Variants in ARHGAP30 observed in about 807,000 individuals in gnomAD.
ARHGAP30 encodes rho GTPase-activating protein 30.
In ARHGAP30, 23 loss-of-function variants were observed where a neutral mutation model predicts 72.0. That is an observed-to-expected ratio of 0.32 (90% confidence interval 0.23 to 0.45). The LOEUF (loss-of-function observed/expected upper bound fraction) is 0.45, where lower values mean the gene tolerates loss of function less well. Among genes scored for constraint, ARHGAP30 ranks in the 20% least tolerant of loss-of-function variants. The pLI, the probability that ARHGAP30 is intolerant of heterozygous loss-of-function variation, is 1.00. For missense variants in ARHGAP30, 1,319 were observed against 1,383.4 expected, an observed-to-expected ratio of 0.95 and a Z score of 0.74; for synonymous variants, 576 against 528.2, an observed-to-expected ratio of 1.09 and a Z score of -1.24.
intron 1 of ARHGAP30, among the ~76,000 whole-genome samples, chr1:161,064,957 G>A (rs1652656673): frequency 6.6e-6 from 1 of 151,530 alleles, no homozygotes; most frequent in African/African-American, 2.4e-5. Flanking sequence ...AGAAGGGAAG[G>A]GAAGGGGGAA....
intron 1 of ARHGAP30, chr1:161,060,336 C>T (rs956048745): frequency 1.1e-5 from 4 of 349,850 alleles, no homozygotes; most frequent in African/African-American, 6.5e-5. Context: ...TGTCTCATGC[C>T]TGTAATCCCA....
intron 3 of ARHGAP30, among the ~76,000 whole-genome samples, chr1:161,055,971 A>G (rs1250343435): frequency 4.6e-5 from 7 of 151,548 alleles, no homozygotes; most frequent in African/African-American, 1.7e-4. Context: ...AAGATGTTCA[A>G]CGCATAATTA....
rs11441984 is a variant in ARHGAP30 at position 161,057,158 on chromosome 1, A to ATT, written c.201-628_201-627dup. Among the ~76,000 whole-genome samples the ATT allele has an allele frequency of 4.9e-3, 717 of 146,886 alleles. 2 individuals are homozygous for ATT. Among genetic ancestry groups the ATT allele is most frequent in the Non-Finnish European group, 6.6e-3 (443 of 66,640 alleles). ...AATGACTAGAAAGACAAATAAGCTA[A>ATT]TTTTTTTTTTTTTTGAGACAGAGTC... On this transcript the variant is annotated intron_variant, in intron 2 of 11. Transcript: ENST00000368013.
intron 1 of ARHGAP30, among the ~76,000 whole-genome samples, chr1:161,067,885 T>C (rs941302010): frequency 5.3e-5 from 8 of 152,124 alleles, no homozygotes; most frequent in Non-Finnish European, 8.8e-5. Flanking sequence ...ACCTGAGGGA[T>C]AGGGAAGGAG....
At position 161,057,628 on chromosome 1, in the gene ARHGAP30, AC is replaced by A. The variant is rs369075440; in HGVS notation, c.201-1097del. On this transcript the variant is annotated intron_variant, in intron 2 of 11. Transcript: ENST00000368013. Reference sequence around the variant, plus strand: ...ACTCTAGCTTGGGTGACAGAGTGAGACCCAGTCTCAAAAAAAGAACAGAAAA... The same window carrying A: ...ACTCTAGCTTGGGTGACAGAGTGAGACCAGTCTCAAAAAAAGAACAGAAAA... 5.3e-5 allele frequency among the ~76,000 whole-genome samples: 8 copies of A among 152,252 alleles called. No individual in the cohort carries two copies. In the East Asian group the frequency reaches 1.5e-3, roughly 29 times the overall value.
At chr1:161,054,766 C>T in intron 3 of ARHGAP30, 61 bp from the exon 4 acceptor site, 1 of 1,475,436 alleles carries the variant, frequency 6.8e-7, no homozygotes, top group South Asian at 1.1e-5. Flanking sequence ...TGCTTACTCC[C>T]CAGAGCTTGT....
At chr1:161,051,951 C>T (rs1487387228) in intron 9 of ARHGAP30, among the ~76,000 whole-genome samples, 4 of 150,958 alleles carry the variant, frequency 2.6e-5, no homozygotes, top group African/African-American at 9.8e-5. Context: ...CCTGCAGATA[C>T]AGTCACTGGC....
At chr1:161,054,819 C>T (rs1170070165) in intron 3 of ARHGAP30, 114 bp from the exon 4 acceptor site, 2 of 883,536 alleles carry the variant, frequency 2.3e-6, no homozygotes, top group Non-Finnish European at 3.7e-6. Context: ...TCTGTGCTAC[C>T]CCATCCTACA....
chr1:161,052,128 C>T (rs867451174), intron 9 of ARHGAP30, among the ~76,000 whole-genome samples, 158 bp downstream of exon 9: 8 of 151,942 alleles, frequency 5.3e-5, no homozygotes, highest in African/African-American at 1.7e-4. Flanking sequence ...ATCAACTCAC[C>T]GTAGCATTCA....
At chr1:161,057,024 G>T (rs1271483790) in intron 2 of ARHGAP30, among the ~76,000 whole-genome samples, 1 of 152,114 alleles carries the variant, frequency 6.6e-6, no homozygotes, top group Non-Finnish European at 1.5e-5. Context: ...GTAGCCAAAA[G>T]TCACCATTAA....
At chr1:161,052,110 A>AT (rs1204227474) in intron 9 of ARHGAP30, among the ~76,000 whole-genome samples, 176 bp downstream of exon 9, 1 of 151,626 alleles carries the variant, frequency 6.6e-6, no homozygotes, top group Non-Finnish European at 1.5e-5. Context: ...AAAGTCATAG[A>AT]TTAGACAATC....
rs1651684707 is a variant in ARHGAP30 at position 161,054,491 on chromosome 1, A to G, written c.429-18T>C. The stretch of plus-strand genomic sequence containing the variant: ...CCAGGGTCCTGCAGAAAGCGGGGGC[A>G]GGGATCACACAGGGAATGCCCAGGG... On this transcript the variant is annotated intron_variant, in intron 4 of 11. Transcript: ENST00000368013. 23 of 1,612,852 alleles carry G rather than the reference A, an allele frequency of 1.4e-5. No individual in the cohort carries two copies. The highest frequency in any genetic ancestry group is 2.0e-5 in the Non-Finnish European group (23 of 1,178,946).
chr1:161,053,501 T>TCTCC, intron 5 of ARHGAP30, 116 bp from the exon 6 acceptor site: 1 of 813,250 alleles, frequency 1.2e-6, no homozygotes, highest in Non-Finnish European at 1.6e-6. Context: ...TCTCTCTCTC[T>TCTCC]CTCTCGAATG....
At position 161,055,860 on chromosome 1, in the gene ARHGAP30, T is replaced by A. The variant is rs4017451; in HGVS notation, c.345+528A>T. On this transcript the variant is annotated intron_variant, in intron 3 of 11. Transcript: ENST00000368013. Reference sequence around the variant, plus strand: ...AATAAAATAAATAAAATAAAATAAATAAAATAAAATAAAATAAAATAAAAA... The same window carrying A: ...AATAAAATAAATAAAATAAAATAAAAAAAATAAAATAAAATAAAATAAAAA... 7.1e-4 allele frequency among the ~76,000 whole-genome samples: 79 copies of A among 110,720 alleles called. 1 individual carries two copies. Among genetic ancestry groups the A allele is most frequent in the East Asian group, 5.7e-3 (20 of 3,522 alleles). The allele number at this position is 110,720 out of a possible 152,430, so 72.6% of individuals were successfully genotyped here.
At chr1:161,055,138 A>G (rs776491976) in intron 3 of ARHGAP30, among the ~76,000 whole-genome samples, 17 of 152,314 alleles carry the variant, frequency 1.1e-4, no homozygotes, top group Middle Eastern at 3.4e-3. Context: ...AATAAAGTGC[A>G]ACTTATTTTT....
Position 161,047,579 on chromosome 1 carries a change from A to G in ARHGAP30, c.*136T>C, listed in dbSNP as rs938450366. The G allele has an allele frequency of 1.2e-5, 11 of 945,788 alleles. No homozygotes were observed. The Admixed American group carries it at 1.3e-4, about 11-fold the overall frequency. 58.6% of individuals were successfully genotyped at this position (945,788 alleles called of 1,614,324 possible). On this transcript the variant is annotated 3_prime_UTR_variant, in exon 12 of 12. Coordinates refer to ENST00000368013, the MANE Select transcript of ARHGAP30 (RefSeq NM_001025598.2). ...ACCAAGGCAGTGCCTCCCACAGTCAAAGAGAGAAGCTGGAGGGCCAAAGCC... is the reference window on the plus strand; with the variant it reads ...ACCAAGGCAGTGCCTCCCACAGTCAGAGAGAGAAGCTGGAGGGCCAAAGCC...
rs1489212863 is a variant in ARHGAP30 at position 161,060,287 on chromosome 1, GAGAA to G, written c.98-575_98-572del. The G allele has an allele frequency of 2.2e-5, 9 of 409,244 alleles. No homozygotes were observed. In the East Asian group the frequency reaches 2.9e-4, roughly 13 times the overall value. 25.4% of individuals were successfully genotyped at this position (409,244 alleles called of 1,614,324 possible). ...CCTGTTTCAAAAAAAAAAAAAGAAAGAGAAAGAAAGAAATTTATCTCTCTTGGGC... is the reference window on the plus strand; with the variant it reads ...CCTGTTTCAAAAAAAAAAAAAGAAAGAGAAAGAAATTTATCTCTCTTGGGC... On this transcript the variant is annotated intron_variant, in intron 1 of 11. Coordinates refer to ENST00000368013, the MANE Select transcript of ARHGAP30 (RefSeq NM_001025598.2).
intron 3 of ARHGAP30, among the ~76,000 whole-genome samples, chr1:161,056,035 T>G (rs1651854822): frequency 6.6e-6 from 1 of 152,120 alleles, no homozygotes; most frequent in African/African-American, 2.4e-5. Context: ...AGTATTCTGA[T>G]TCTCTTAAGT....
chr1:161,064,821 AAGAAAGAAAGAG>A (rs1287219938), intron 1 of ARHGAP30, among the ~76,000 whole-genome samples: 3 of 71,080 alleles, frequency 4.2e-5, no homozygotes, highest in African/African-American at 1.3e-4. Context: ...GAAAGAAAGA[AAGAAAGAAAGAG>A]AAAGAAAGAA....
Sources: gnomAD v4.1 joint callset for allele counts (sites outside exome capture counted in the v4.1 genomes callset) on GRCh38, gnomAD v4.1.1 for gene constraint, MANE v1.5 for transcripts, NCBI Gene and HGNC (gene_info 2026-07-23, HGNC 2026-07-21) for gene names.